The following IKZF2 variants were observed in gnomAD, a reference collection of about 807,000 sequenced individuals.
The protein encoded by IKZF2 is IKAROS family zinc finger 2.
In IKZF2, 15 loss-of-function variants were observed where a neutral mutation model predicts 49.2. That is an observed-to-expected ratio of 0.30 (90% CI 0.20 to 0.47). IKZF2 has a LOEUF of 0.47. Among genes scored for constraint, IKZF2 ranks in the 20% least tolerant of loss-of-function variants. The pLI, the probability that IKZF2 is intolerant of heterozygous loss-of-function variation, is 1.00. For missense variants in IKZF2, 567 were observed against 664.6 expected (o/e 0.85, Z 1.61); for synonymous variants, 227 against 221.4 (o/e 1.03, Z -0.23).
At chr2:213,087,301 T>C (rs946998284) in intron 4 of IKZF2, among the ~76,000 whole-genome samples, 1 of 152,166 alleles carries the variant, frequency 6.6e-6, no homozygotes. Flanking sequence ...CAGCAAACAT[T>C]TACTCATGTC....
At chr2:213,079,873 A>G (rs935560526) in intron 4 of IKZF2, among the ~76,000 whole-genome samples, 2 of 152,096 alleles carry the variant, frequency 1.3e-5, no homozygotes, top group African/African-American at 4.8e-5. Context: ...CCCTAAATGA[A>G]CCACACTTTG....
intron 4 of IKZF2, among the ~76,000 whole-genome samples, chr2:213,074,012 T>C (rs929739994): frequency 6.6e-6 from 1 of 152,230 alleles, no homozygotes; most frequent in Admixed American, 6.5e-5. Context: ...ATATTCATTA[T>C]TTTGTTGCAA....
intron 4 of IKZF2, among the ~76,000 whole-genome samples, chr2:213,131,987 A>G (rs1240278761): frequency 1.3e-5 from 2 of 152,224 alleles, no homozygotes; most frequent in Non-Finnish European, 2.9e-5. Context: ...CTTCTGTGGA[A>G]AAGATAAATG....
chr2:213,116,331 TG>T (rs2059871279), intron 4 of IKZF2, among the ~76,000 whole-genome samples: 1 of 152,234 alleles, frequency 6.6e-6, no homozygotes, highest in African/African-American at 2.4e-5. Flanking sequence ...TCCATTTCCA[TG>T]TTTACATGGT....
At chr2:213,039,894 C>T (rs537790226) in intron 6 of IKZF2, among the ~76,000 whole-genome samples, 50 of 152,024 alleles carry the variant, frequency 3.3e-4, no homozygotes, top group African/African-American at 1.2e-3. Flanking sequence ...TACTTAAGGA[C>T]ATTTTACTTA....
chr2:213,146,115 C>A (rs1314803896), intron 4 of IKZF2, among the ~76,000 whole-genome samples: 2 of 152,088 alleles, frequency 1.3e-5, no homozygotes. Context: ...ACTCCCTACC[C>A]TATACATGCA....
intron 4 of IKZF2, among the ~76,000 whole-genome samples, chr2:213,133,075 G>A (rs1484237473): frequency 2.6e-5 from 4 of 152,110 alleles, no homozygotes; most frequent in East Asian, 1.9e-4. Context: ...GATTAAAAGC[G>A]GACTAAAAGC....
chr2:213,103,496 G>T (rs2059418774), intron 4 of IKZF2, among the ~76,000 whole-genome samples: 1 of 152,168 alleles, frequency 6.6e-6, no homozygotes, highest in Non-Finnish European at 1.5e-5. Flanking sequence ...GTGAATGAGA[G>T]AATGAATGAA....
At chr2:213,018,677 G>A (rs1696873841) in intron 7 of IKZF2, among the ~76,000 whole-genome samples, 1 of 152,104 alleles carries the variant, frequency 6.6e-6, no homozygotes, top group African/African-American at 2.4e-5. Context: ...AGAAGACTCT[G>A]TCTTTGCATC....
intron 4 of IKZF2, among the ~76,000 whole-genome samples, chr2:213,087,916 T>C (rs959595109): frequency 1.4e-4 from 21 of 152,218 alleles, no homozygotes; most frequent in Non-Finnish European, 2.4e-4. Flanking sequence ...TGATGGACAT[T>C]TGGGTTGGTT....
intron 4 of IKZF2, among the ~76,000 whole-genome samples, chr2:213,133,544 A>G (rs2060542500): frequency 6.6e-6 from 1 of 152,074 alleles, no homozygotes; most frequent in Admixed American, 6.5e-5. Flanking sequence ...TAGCCTGACC[A>G]ACATGGTAAA....
At chr2:213,119,388 G>C (rs1056877670) in intron 4 of IKZF2, among the ~76,000 whole-genome samples, 1 of 151,848 alleles carries the variant, frequency 6.6e-6, no homozygotes, top group Non-Finnish European at 1.5e-5. Context: ...AGGTCAGCTC[G>C]ACAAAGAGCA....
intron 4 of IKZF2, among the ~76,000 whole-genome samples, chr2:213,135,884 C>G (rs2060641017): frequency 6.8e-6 from 1 of 147,406 alleles, no homozygotes; most frequent in South Asian, 2.2e-4. Flanking sequence ...CCCGTCTCCA[C>G]TAAAAATGCA....
intron 4 of IKZF2, among the ~76,000 whole-genome samples, chr2:213,097,333 T>C (rs1299713792): frequency 6.6e-6 from 1 of 151,976 alleles, no homozygotes; most frequent in Non-Finnish European, 1.5e-5. Flanking sequence ...ATCTCTGCCA[T>C]AATTGAAAAA....
At chr2:213,141,505 A>C (rs566672257) in intron 4 of IKZF2, among the ~76,000 whole-genome samples, 21 of 152,128 alleles carry the variant, frequency 1.4e-4, no homozygotes, top group Non-Finnish European at 2.4e-4. Context: ...TTTATAGTCT[A>C]GAAATACCAA....
At chr2:213,037,505 G>A (rs1020747884) in intron 6 of IKZF2, among the ~76,000 whole-genome samples, 4 of 152,234 alleles carry the variant, frequency 2.6e-5, no homozygotes, top group Non-Finnish European at 5.9e-5. Context: ...TCTACCTGGT[G>A]GAAATCAAAT....
chr2:213,076,740 A>G (rs1703305718), intron 4 of IKZF2, among the ~76,000 whole-genome samples: 1 of 152,222 alleles, frequency 6.6e-6, no homozygotes, highest in Non-Finnish European at 1.5e-5. Context: ...TCCAACTTCC[A>G]AATTCTACAT....
intron 4 of IKZF2, among the ~76,000 whole-genome samples, chr2:213,107,339 A>C (rs187360548): frequency 6.6e-6 from 1 of 152,342 alleles, no homozygotes; most frequent in African/African-American, 2.4e-5. Flanking sequence ...AGAGATGATC[A>C]CTGTGAGGTC....
At position 213,036,237 on chromosome 2, in the gene IKZF2, T is replaced by A. The variant is rs545082932; in HGVS notation, c.574+13476A>T. ...CAAACCATGGAAAATAAAAGAAAAA[T>A]AAGGTGAAAGTATAATCTGTATAAG... On this transcript the variant is annotated intron_variant, in intron 6 of 8. Coordinates refer to ENST00000434687, the MANE Select transcript of IKZF2 (RefSeq NM_001387220.1). Among the ~76,000 whole-genome samples the A allele has an allele frequency of 5.9e-5, 9 of 151,948 alleles. No homozygotes were observed. The South Asian group carries it at 1.9e-3, about 32-fold the overall frequency.
Sources: gnomAD v4.1 joint callset for allele counts (sites outside exome capture counted in the v4.1 genomes callset) on GRCh38, gnomAD v4.1.1 for gene constraint, MANE v1.5 for transcripts, NCBI Gene and HGNC (gene_info 2026-07-23, HGNC 2026-07-21) for gene names.